CTNNA3: variants seen among roughly 807,000 people sequenced by gnomAD.
CTNNA3 encodes the protein catenin alpha 3.
Under a neutral mutation model 95.7 loss-of-function variants are expected in CTNNA3, and 76 were observed. The observed-to-expected ratio is 0.79, with a 90% CI of 0.66 to 0.96. CTNNA3 has a LOEUF of 0.96. Among genes scored for constraint, CTNNA3 ranks in the 40% least tolerant of loss-of-function variants. The pLI is 0.00. For missense variants in CTNNA3, 1,191 were observed against 1,089.8 expected (o/e 1.09, Z -1.31); for synonymous variants, 431 against 374.4 (o/e 1.15, Z -1.74).
intron 10 of CTNNA3, among the ~76,000 whole-genome samples, chr10:66,610,853 A>C (rs1481059562): frequency 6.6e-6 from 1 of 152,148 alleles, no homozygotes; most frequent in African/African-American, 2.4e-5. Flanking sequence ...CACTGTTCAC[A>C]ATAGCCAAAA....
At chr10:66,594,414 C>A (rs1421905964) in intron 10 of CTNNA3, among the ~76,000 whole-genome samples, 1 of 152,094 alleles carries the variant, frequency 6.6e-6, no homozygotes, top group Admixed American at 6.6e-5. Context: ...TGATTAAATT[C>A]TTCCTGTTTT....
chr10:67,060,339 T>C (rs1855691187), intron 7 of CTNNA3, among the ~76,000 whole-genome samples: 1 of 152,160 alleles, frequency 6.6e-6, no homozygotes, highest in Non-Finnish European at 1.5e-5. Flanking sequence ...AAAAAAATTC[T>C]GTAAATGTAT....
At chr10:66,219,322 G>T (rs963930838) in intron 13 of CTNNA3, among the ~76,000 whole-genome samples, 1 of 152,066 alleles carries the variant, frequency 6.6e-6, no homozygotes, top group Non-Finnish European at 1.5e-5. Flanking sequence ...TAGCATCCAG[G>T]CCCCAAAATG....
At chr10:66,313,753 A>C (rs2092058588) in intron 12 of CTNNA3, among the ~76,000 whole-genome samples, 3 of 152,194 alleles carry the variant, frequency 2.0e-5, no homozygotes, top group Admixed American at 6.5e-5. Flanking sequence ...CACTCAACAC[A>C]CAAGTGAATG....
intron 6 of CTNNA3, among the ~76,000 whole-genome samples, chr10:67,183,466 A>C (rs1356339659): frequency 2.6e-5 from 4 of 151,328 alleles, no homozygotes; most frequent in African/African-American, 9.7e-5. Context: ...GCATGCTCTC[A>C]CTCATAGGTG....
chr10:67,489,788 T>TTATATATATATATATATATATATATA (rs372899542), intron 5 of CTNNA3, among the ~76,000 whole-genome samples: 4 of 142,464 alleles, frequency 2.8e-5, no homozygotes, highest in African/African-American at 1.1e-4. Flanking sequence ...ATACATGATT[T>TTATATATATATATATATATATATATA]TATATATATA....
intron 13 of CTNNA3, among the ~76,000 whole-genome samples, chr10:66,114,795 C>T (rs1021039104): frequency 3.3e-5 from 5 of 151,770 alleles, no homozygotes; most frequent in Non-Finnish European, 7.4e-5. Flanking sequence ...AGGAGAATCA[C>T]TTGAACCCAG....
chr10:66,427,789 T>C (rs1589234492), intron 11 of CTNNA3, among the ~76,000 whole-genome samples: 1 of 151,766 alleles, frequency 6.6e-6, no homozygotes, highest in African/African-American at 2.4e-5. Context: ...TACCAGCCAC[T>C]GCAAAAACAC....
At chr10:66,550,600 A>T (rs1341840712) in intron 10 of CTNNA3, among the ~76,000 whole-genome samples, 1 of 152,196 alleles carries the variant, frequency 6.6e-6, no homozygotes, top group Non-Finnish European at 1.5e-5. Flanking sequence ...TCTAAGAGAA[A>T]GTTTGCCAAC....
intron 7 of CTNNA3, among the ~76,000 whole-genome samples, chr10:66,938,619 C>T (rs965481735): frequency 2.6e-5 from 4 of 152,062 alleles, no homozygotes; most frequent in Non-Finnish European, 4.4e-5. Flanking sequence ...AGATAATCCA[C>T]GTGTGAGTAG....
intron 4 of CTNNA3, among the ~76,000 whole-genome samples, chr10:67,528,159 C>A (rs1840207815): frequency 6.6e-6 from 1 of 152,166 alleles, no homozygotes; most frequent in Non-Finnish European, 1.5e-5. Context: ...CGGTTAAATT[C>A]CAGGACATTC....
intron 16 of CTNNA3, among the ~76,000 whole-genome samples, chr10:65,979,916 G>A (rs2133298196): frequency 6.6e-6 from 1 of 151,906 alleles, no homozygotes; most frequent in East Asian, 1.9e-4. Flanking sequence ...TTAATCTGGA[G>A]AACTAATCTA....
chr10:67,122,865 C>A (rs1206157461), intron 7 of CTNNA3, among the ~76,000 whole-genome samples: 3 of 152,030 alleles, frequency 2.0e-5, no homozygotes, highest in East Asian at 1.9e-4. Flanking sequence ...AATATTCCTA[C>A]CTAATGTGTC....
chr10:67,525,269 A>C (rs1840107921), intron 4 of CTNNA3, among the ~76,000 whole-genome samples: 1 of 152,210 alleles, frequency 6.6e-6, no homozygotes, highest in Admixed American at 6.5e-5. Context: ...GTAGAGGAAA[A>C]CAATATCCCT....
At chr10:67,759,502 G>T (rs1042957859) in intron 1 of CTNNA3, among the ~76,000 whole-genome samples, 1 of 152,156 alleles carries the variant, frequency 6.6e-6, no homozygotes, top group South Asian at 2.1e-4. Context: ...ATACAATTGT[G>T]TAAAAGAAAG....
intron 9 of CTNNA3, among the ~76,000 whole-genome samples, chr10:66,729,636 CAG>C (rs923785783): frequency 1.3e-5 from 2 of 152,026 alleles, no homozygotes; most frequent in African/African-American, 4.8e-5. Context: ...TTTGGGGACT[CAG>C]GGGAAAGGGT....
At chr10:67,704,308 C>T (rs894767133) in intron 1 of CTNNA3, among the ~76,000 whole-genome samples, 3 of 152,202 alleles carry the variant, frequency 2.0e-5, no homozygotes, top group East Asian at 1.9e-4. Flanking sequence ...AAAAAGAGCC[C>T]GCATCACCAA....
At chr10:66,474,843 A>G (rs997665092) in intron 11 of CTNNA3, among the ~76,000 whole-genome samples, 9 of 151,960 alleles carry the variant, frequency 5.9e-5, no homozygotes, top group Non-Finnish European at 1.3e-4. Context: ...ATATGATTGT[A>G]TATGGTGTTT....
intron 13 of CTNNA3, among the ~76,000 whole-genome samples, chr10:66,197,820 A>G (rs1199042239): frequency 6.6e-6 from 1 of 152,162 alleles, no homozygotes; most frequent in Non-Finnish European, 1.5e-5. Context: ...CACCAGCTTC[A>G]TGTAAGCCTC....
Sources: gnomAD v4.1 joint callset for allele counts (sites outside exome capture counted in the v4.1 genomes callset) on GRCh38, gnomAD v4.1.1 for gene constraint, MANE v1.5 for transcripts, NCBI Gene and HGNC (gene_info 2026-07-23, HGNC 2026-07-21) for gene names.